Variants in COP1 observed in about 807,000 individuals in gnomAD.
COP1 encodes the protein E3 ubiquitin-protein ligase COP1.
Under a neutral mutation model 101.3 loss-of-function variants are expected in COP1, and 24 were observed. That is an observed-to-expected ratio of 0.24 (90% CI 0.17 to 0.33). The LOEUF is 0.33. COP1 is among the 10% of genes least tolerant of loss of function. The pLI is 1.00. For missense variants in COP1, 663 were observed against 906.2 expected (o/e 0.73, Z 3.45); for synonymous variants, 347 against 341.9 (o/e 1.01, Z -0.17).
chr1:176,128,124 A>G (rs1002275613), intron 8 of COP1, among the ~76,000 whole-genome samples: 12 of 152,090 alleles, frequency 7.9e-5, no homozygotes, highest in African/African-American at 2.9e-4. Flanking sequence ...TATTTTGCAC[A>G]TTAGCACCTA....
intron 18 of COP1, among the ~76,000 whole-genome samples, chr1:175,980,254 A>G (rs773459584): frequency 8.2e-6 from 1 of 121,424 alleles, no homozygotes; most frequent in Non-Finnish European, 1.9e-5. Context: ...TTTTTTGAGG[A>G]GTCTGGAGGT....
At chr1:176,085,945 A>G in intron 9 of COP1, 55 bp from the exon 10 acceptor site, 1 of 927,492 alleles carries the variant, frequency 1.1e-6, no homozygotes. Flanking sequence ...CTTCTTTTGC[A>G]CAGAATACTC....
At chr1:176,179,355 TA>T (rs1389437993) in intron 2 of COP1, among the ~76,000 whole-genome samples, 3 of 152,014 alleles carry the variant, frequency 2.0e-5, no homozygotes, top group African/African-American at 7.2e-5. Flanking sequence ...AGGAGAACAT[TA>T]TGGGTTTTAG....
At chr1:176,013,037 T>TA (rs1178447937) in intron 15 of COP1, among the ~76,000 whole-genome samples, 4 of 152,312 alleles carry the variant, frequency 2.6e-5, no homozygotes, top group African/African-American at 9.6e-5. Context: ...AAAGTGACCA[T>TA]AGTATATGCT....
At chr1:176,108,814 C>T (rs979163757) in intron 9 of COP1, among the ~76,000 whole-genome samples, 9 of 152,022 alleles carry the variant, frequency 5.9e-5, no homozygotes, top group Non-Finnish European at 1.3e-4. Flanking sequence ...TTGGAGCTTT[C>T]ATTAAAAAGA....
intron 18 of COP1, among the ~76,000 whole-genome samples, chr1:175,973,024 G>A (rs1653660902): frequency 6.6e-6 from 1 of 151,864 alleles, no homozygotes; most frequent in Admixed American, 6.6e-5. Context: ...TAGAGATGGG[G>A]TTTCTCCATG....
chr1:175,989,711 G>A (rs1460657816), intron 15 of COP1, among the ~76,000 whole-genome samples: 1 of 151,960 alleles, frequency 6.6e-6, no homozygotes, highest in Non-Finnish European at 1.5e-5. Flanking sequence ...TTTTAATGAT[G>A]TCATGAAAAA....
chr1:176,134,503 A>C (rs1198696482), intron 8 of COP1, among the ~76,000 whole-genome samples: 1 of 152,134 alleles, frequency 6.6e-6, no homozygotes, highest in East Asian at 1.9e-4. Flanking sequence ...CTATACTAAT[A>C]TCGCATATAG....
intron 19 of COP1, among the ~76,000 whole-genome samples, chr1:175,946,137 G>T (rs1649139043): frequency 6.6e-6 from 1 of 152,144 alleles, no homozygotes; most frequent in Non-Finnish European, 1.5e-5. Context: ...ACTTAAATCA[G>T]ATATTCCAAG....
intron 5 of COP1, among the ~76,000 whole-genome samples, chr1:176,158,793 CCATACCCAG>C (rs1275575415): frequency 6.6e-6 from 1 of 151,788 alleles, no homozygotes; most frequent in African/African-American, 2.4e-5. Flanking sequence ...GCGCACACCG[CCATACCCAG>C]CTAATTTTTT....
intron 11 of COP1, among the ~76,000 whole-genome samples, chr1:176,059,078 C>T (rs1272819130): frequency 1.3e-5 from 2 of 152,216 alleles, no homozygotes; most frequent in African/African-American, 4.8e-5. Flanking sequence ...GGTTGCAGAT[C>T]TCAGCTGTGC....
intron 3 of COP1, among the ~76,000 whole-genome samples, chr1:176,172,192 GC>G (rs544194279): frequency 4.6e-4 from 70 of 152,306 alleles, no homozygotes; most frequent in Admixed American, 3.1e-3. Context: ...TAGGACAACA[GC>G]TGCATACCAA....
intron 9 of COP1, among the ~76,000 whole-genome samples, chr1:176,111,726 GT>G (rs1027983209): frequency 6.6e-6 from 1 of 151,884 alleles, no homozygotes; most frequent in East Asian, 1.9e-4. Flanking sequence ...ATACTTTTGG[GT>G]TTTTTTCAGT....
chr1:176,200,898 T>G (rs1352891605), intron 1 of COP1, among the ~76,000 whole-genome samples: 1 of 152,170 alleles, frequency 6.6e-6, no homozygotes, highest in Non-Finnish European at 1.5e-5. Flanking sequence ...TCAAGAACTT[T>G]AAAAACAATT....
intron 15 of COP1, among the ~76,000 whole-genome samples, chr1:175,999,879 T>C (rs984491531): frequency 6.6e-6 from 1 of 152,138 alleles, no homozygotes; most frequent in Non-Finnish European, 1.5e-5. Context: ...CACTTTTACA[T>C]ATACCAGTTT....
At chr1:176,008,848 GTTTTTA>G (rs1013699381) in intron 15 of COP1, among the ~76,000 whole-genome samples, 2 of 152,056 alleles carry the variant, frequency 1.3e-5, no homozygotes, top group South Asian at 2.1e-4. Flanking sequence ...ATTTATTTTT[GTTTTTA>G]TTTTTAAGTC....
chr1:176,044,157 T>C (rs1381789435), intron 12 of COP1, among the ~76,000 whole-genome samples: 1 of 152,190 alleles, frequency 6.6e-6, no homozygotes, highest in Non-Finnish European at 1.5e-5. Context: ...AGGCATACCA[T>C]GGCAGAATGA....
chr1:176,121,170 T>G (rs933908737), intron 8 of COP1, among the ~76,000 whole-genome samples: 8 of 151,938 alleles, frequency 5.3e-5, no homozygotes. Context: ...CTGAACCAGT[T>G]TCTCCAAAAG....
chr1:176,070,639 G>A (rs977494523), intron 11 of COP1, among the ~76,000 whole-genome samples: 3 of 152,062 alleles, frequency 2.0e-5, no homozygotes, highest in African/African-American at 7.2e-5. Flanking sequence ...TCCAGCCTGA[G>A]CAACAGAGCA....
Sources: allele counts gnomAD v4.1 joint callset (sites outside exome capture counted in the v4.1 genomes callset), GRCh38; gene constraint gnomAD v4.1.1; transcripts MANE v1.5; gene names NCBI Gene and HGNC (gene_info 2026-07-23, HGNC 2026-07-21).